SGCZ: variants seen among roughly 807,000 people sequenced by gnomAD.
SGCZ encodes zeta-sarcoglycan.
SGCZ carries 40 observed loss-of-function variants against 41.3 expected under a neutral mutation model. That is an observed-to-expected ratio of 0.97 (90% CI 0.75 to 1.26). SGCZ has a LOEUF of 1.26. Ranked by LOEUF, SGCZ falls within the 50% of genes most tolerant of loss-of-function variation. The probability of loss-of-function intolerance (pLI) is 0.00; values close to 1 mark genes in which losing one functional copy is unlikely to be tolerated. For missense variants in SGCZ, 552 were observed against 369.8 expected (o/e 1.49, Z -4.04); for synonymous variants, 206 against 137.5 (o/e 1.50, Z -3.49).
intron 1 of SGCZ, among the ~76,000 whole-genome samples, chr8:14,864,332 G>T (rs1023745398): frequency 6.6e-6 from 1 of 151,926 alleles, no homozygotes; most frequent in African/African-American, 2.4e-5. Context: ...TCAAAAACTT[G>T]CAACTAGAAG....
chr8:14,629,668 T>A (rs1340900699), intron 1 of SGCZ, among the ~76,000 whole-genome samples: 1 of 152,102 alleles, frequency 6.6e-6, no homozygotes, highest in Non-Finnish European at 1.5e-5. Context: ...TGTCCAAAGG[T>A]GAATCCTTGT....
intron 1 of SGCZ, among the ~76,000 whole-genome samples, chr8:14,907,406 T>A (rs1585367990): frequency 6.6e-6 from 1 of 152,240 alleles, no homozygotes; most frequent in East Asian, 1.9e-4. Flanking sequence ...GAGGTTAGTC[T>A]CCAACTCCTG....
intron 4 of SGCZ, among the ~76,000 whole-genome samples, chr8:14,211,650 GGA>G (rs35869144): frequency 0.066 from 9,940 of 149,768 alleles, 417 homozygotes; most frequent in African/African-American, 0.11. Flanking sequence ...CAATTAAGCA[GGA>G]GAGAGAGAGA....
At chr8:14,397,761 C>A (rs1050877636) in intron 2 of SGCZ, among the ~76,000 whole-genome samples, 2 of 152,078 alleles carry the variant, frequency 1.3e-5, no homozygotes, top group African/African-American at 4.8e-5. Flanking sequence ...TACTAGAGTT[C>A]CCCTTCATCA....
intron 4 of SGCZ, among the ~76,000 whole-genome samples, chr8:14,200,308 C>T (rs1563181783): frequency 6.6e-6 from 1 of 152,140 alleles, no homozygotes; most frequent in African/African-American, 2.4e-5. Flanking sequence ...ATAGTCCATG[C>T]ATTCTCAATA....
intron 2 of SGCZ, among the ~76,000 whole-genome samples, chr8:14,377,338 C>T (rs1279390688): frequency 2.0e-5 from 3 of 151,984 alleles, no homozygotes; most frequent in African/African-American, 4.8e-5. Context: ...GTACCCCTTG[C>T]CACATACCTT....
At chr8:14,179,291 C>G (rs942038855) in intron 4 of SGCZ, among the ~76,000 whole-genome samples, 1 of 152,158 alleles carries the variant, frequency 6.6e-6, no homozygotes, top group Non-Finnish European at 1.5e-5. Context: ...GCAGCCGTAT[C>G]CAATATTGCT....
intron 1 of SGCZ, among the ~76,000 whole-genome samples, chr8:14,722,285 G>GA (rs1199480561): frequency 1.3e-5 from 2 of 152,068 alleles, no homozygotes; most frequent in Non-Finnish European, 2.9e-5. Flanking sequence ...ATGTAGGAGA[G>GA]AAACAGTATT....
intron 4 of SGCZ, among the ~76,000 whole-genome samples, chr8:14,175,993 C>G (rs543713779): frequency 2.6e-5 from 4 of 151,942 alleles, no homozygotes; most frequent in Non-Finnish European, 5.9e-5. Context: ...CTAGAATCAC[C>G]GTGAATCTAT....
intron 1 of SGCZ, among the ~76,000 whole-genome samples, chr8:14,672,254 T>G (rs1193735747): frequency 1.3e-5 from 2 of 152,176 alleles, no homozygotes; most frequent in Non-Finnish European, 2.9e-5. Context: ...ATATAATTAT[T>G]AAAATGTTCA....
intron 1 of SGCZ, among the ~76,000 whole-genome samples, chr8:14,916,671 G>T (rs1163179217): frequency 3.9e-5 from 6 of 152,138 alleles, no homozygotes; most frequent in Non-Finnish European, 8.8e-5. Flanking sequence ...TATGTGTGAT[G>T]GCACCAGATC....
intron 4 of SGCZ, among the ~76,000 whole-genome samples, chr8:14,223,832 CT>C (rs1396863916): frequency 3.3e-5 from 5 of 152,180 alleles, no homozygotes; most frequent in African/African-American, 9.7e-5. Context: ...AAACTACCTT[CT>C]GCTTTTTCTC....
intron 1 of SGCZ, among the ~76,000 whole-genome samples, chr8:14,806,563 A>G (rs1381734682): frequency 6.6e-6 from 1 of 152,242 alleles, no homozygotes; most frequent in African/African-American, 2.4e-5. Context: ...GACCAATAAC[A>G]GAATCTGAAA....
chr8:14,370,949 G>C (rs1355998114), intron 2 of SGCZ, among the ~76,000 whole-genome samples: 2 of 151,874 alleles, frequency 1.3e-5, no homozygotes, highest in Non-Finnish European at 2.9e-5. Context: ...AAATATTTTT[G>C]CCACCTGCAG....
intron 2 of SGCZ, among the ~76,000 whole-genome samples, chr8:14,457,821 T>C (rs1211252094): frequency 5.3e-5 from 8 of 152,184 alleles, no homozygotes; most frequent in African/African-American, 1.9e-4. Context: ...CCCTGCCCCT[T>C]CTGCCTTGTA....
chr8:14,321,255 A>C (rs963288458), intron 3 of SGCZ, among the ~76,000 whole-genome samples: 4 of 152,016 alleles, frequency 2.6e-5, no homozygotes, highest in Admixed American at 2.0e-4. Flanking sequence ...TATTTCCTGG[A>C]TACACTATGA....
At chr8:14,333,633 G>T (rs1025369974) in intron 2 of SGCZ, among the ~76,000 whole-genome samples, 1 of 152,042 alleles carries the variant, frequency 6.6e-6, no homozygotes, top group Non-Finnish European at 1.5e-5. Flanking sequence ...GTTTGCAGTA[G>T]AGAAACACAC....
chr8:14,654,875 C>G (rs1356744120), intron 1 of SGCZ, among the ~76,000 whole-genome samples: 3 of 151,850 alleles, frequency 2.0e-5, no homozygotes, highest in Non-Finnish European at 4.4e-5. Context: ...CTATATTGGT[C>G]AGGCTGGTTT....
At chr8:14,890,911 T>G (rs1804988796) in intron 1 of SGCZ, among the ~76,000 whole-genome samples, 3 of 152,196 alleles carry the variant, frequency 2.0e-5, no homozygotes, top group African/African-American at 7.2e-5. Flanking sequence ...CTGCCTGTGC[T>G]CTAGAAATGG....
Sources: allele counts gnomAD v4.1 joint callset (sites outside exome capture counted in the v4.1 genomes callset), GRCh38; gene constraint gnomAD v4.1.1; transcripts MANE v1.5; gene names NCBI Gene and HGNC (gene_info 2026-07-23, HGNC 2026-07-21).